The following PCDHGA2 variants were observed in gnomAD, a reference collection of about 807,000 sequenced individuals.
The protein encoded by PCDHGA2 is protocadherin gamma subfamily A, 2, also known as protocadherin gamma-A2.
In PCDHGA2, 40 loss-of-function variants were observed where a neutral mutation model predicts 59.2. That is an observed-to-expected ratio of 0.68 (90% CI 0.52 to 0.88). The LOEUF is 0.88. Among genes scored for constraint, PCDHGA2 ranks in the 40% least tolerant of loss-of-function variants. The probability of loss-of-function intolerance (pLI) is 0.00; values close to 1 mark genes in which losing one functional copy is unlikely to be tolerated. For missense variants in PCDHGA2, 1,226 were observed against 1,204.0 expected, an observed-to-expected ratio of 1.02 and a Z score of -0.27; for synonymous variants, 560 against 526.0, an observed-to-expected ratio of 1.06 and a Z score of -0.89.
intron 1 of PCDHGA2, among the ~76,000 whole-genome samples, chr5:141,402,461 C>A (rs892900332): frequency 1.3e-5 from 2 of 151,994 alleles, no homozygotes; most frequent in East Asian, 3.8e-4. Context: ...GTTTACATAT[C>A]TAGAAATAGA....
intron 1 of PCDHGA2, chr5:141,382,748 C>T (rs753044238): frequency 2.3e-5 from 14 of 606,870 alleles, no homozygotes; most frequent in Non-Finnish European, 3.6e-5. Context: ...CGACAGATTG[C>T]GATAAGCCCT....
At chr5:141,445,300 TCA>T (rs1443961962) in intron 1 of PCDHGA2, among the ~76,000 whole-genome samples, 1 of 152,202 alleles carries the variant, frequency 6.6e-6, no homozygotes, top group Non-Finnish European at 1.5e-5. Flanking sequence ...TCCATTCTCT[TCA>T]GTTTGTAGGT....
intron 1 of PCDHGA2, among the ~76,000 whole-genome samples, chr5:141,380,542 T>G (rs182715146): frequency 6.6e-6 from 1 of 152,362 alleles, no homozygotes; most frequent in East Asian, 1.9e-4. Flanking sequence ...TTTGATACAA[T>G]GAGCTTATGT....
rs559544645 is a variant in PCDHGA2, at chr5:141,405,144, G to C, written c.2424+63749G>C. ...CATCTGCTGCGGGCTACCAGTGATGGGTTGGCTGGTGTGCCCACCTCACAC... is the reference window on the plus strand; with the variant it reads ...CATCTGCTGCGGGCTACCAGTGATGCGTTGGCTGGTGTGCCCACCTCACAC... On this transcript the variant is annotated intron_variant, in intron 1 of 3. Coordinates refer to ENST00000394576, the MANE Select transcript of PCDHGA2 (RefSeq NM_018915.4). 1.1e-4 allele frequency: 184 copies of C among 1,614,070 alleles called. 1 individual carries two copies. The South Asian group carries it at 1.9e-3, about 17-fold the overall frequency.
intron 1 of PCDHGA2, chr5:141,351,719 A>C: frequency 6.2e-7 from 1 of 1,613,794 alleles, no homozygotes; most frequent in Non-Finnish European, 8.5e-7. Flanking sequence ...CTCCTACTCT[A>C]TTCTGGCCAG....
chr5:141,351,034 G>A (rs745945225), intron 1 of PCDHGA2: 1 of 1,613,878 alleles, frequency 6.2e-7, no homozygotes, highest in Non-Finnish European at 8.5e-7. Flanking sequence ...GAACCTCCGT[G>A]CTGCGGGTGA....
chr5:141,355,915 G>A (rs1239960767), intron 1 of PCDHGA2: 5 of 1,613,748 alleles, frequency 3.1e-6, no homozygotes, highest in Non-Finnish European at 4.2e-6. Context: ...CAACGATAAT[G>A]CTCCCGTGTT....
At chr5:141,366,166 C>T (rs764048783) in intron 1 of PCDHGA2, 1 of 1,614,076 alleles carries the variant, frequency 6.2e-7, no homozygotes. Flanking sequence ...TTAAGGCCAG[C>T]GAGCCAGGAC....
intron 1 of PCDHGA2, chr5:141,351,906 G>A: frequency 1.2e-6 from 2 of 1,613,416 alleles, no homozygotes; most frequent in Non-Finnish European, 1.7e-6. Flanking sequence ...GTGTTGGTGG[G>A]CGACCTCAAT....
intron 1 of PCDHGA2, chr5:141,362,564 T>C (rs754336087): frequency 6.2e-7 from 1 of 1,608,408 alleles, no homozygotes; most frequent in South Asian, 1.1e-5. Flanking sequence ...AAGGTGAGCT[T>C]TAATTAATTT....
chr5:141,489,084 C>A lies in PCDHGA2; in HGVS notation c.2425-5723C>A. On this transcript the variant is annotated intron_variant, in intron 1 of 3. Coordinates refer to ENST00000394576, the MANE Select transcript of PCDHGA2 (RefSeq NM_018915.4). The surrounding 1 kb of genome is among the most constrained non-coding windows in gnomAD (Gnocchi z 4.5). Reference sequence around the variant, plus strand: ...CTCCCCCCTGCCCACCCCCGCCACTCGGTGACTAAGAACTGCTGCAAGCAG... The same window carrying A: ...CTCCCCCCTGCCCACCCCCGCCACTAGGTGACTAAGAACTGCTGCAAGCAG... The A allele has an allele frequency of 9.1e-6, 3 of 329,124 alleles. No homozygotes were observed. The highest frequency in any genetic ancestry group is 1.1e-5 in the Non-Finnish European group (2 of 186,464). The allele number at this position is 329,124 out of a possible 1,614,324, so 20.4% of individuals were successfully genotyped here. A position where few individuals can be genotyped will look rare whatever the true frequency, so the allele number is the denominator to read the frequency against.
In PCDHGA2 at chr5:141,487,934, C is replaced by T; in HGVS notation, c.2425-6873C>T. 4.9e-6 allele frequency: 3 copies of T among 607,674 alleles called. No homozygotes were observed. The highest frequency in any genetic ancestry group is 2.1e-5 in the South Asian group (1 of 48,014). 37.6% of individuals were successfully genotyped at this position (607,674 alleles called of 1,614,324 possible). Reference sequence around the variant, plus strand: ...ACAGGAGGCTACAGTGCACAGGGTACAGTGCACCAGGCAGTCACTTGGACA... The same window carrying T: ...ACAGGAGGCTACAGTGCACAGGGTATAGTGCACCAGGCAGTCACTTGGACA... On this transcript the variant is annotated intron_variant, in intron 1 of 3. Transcript: ENST00000394576. This position sits in a 1 kb window ranked among gnomAD's most constrained non-coding sequence, Gnocchi z 5.0.
At chr5:141,427,914 A>C in intron 1 of PCDHGA2, 1 of 1,576,800 alleles carries the variant, frequency 6.3e-7, no homozygotes, top group Non-Finnish European at 8.7e-7. Flanking sequence ...CAGCGCCAAC[A>C]TGAGCCGGCG....
intron 1 of PCDHGA2, among the ~76,000 whole-genome samples, chr5:141,353,850 AAC>A (rs1759401140): frequency 6.6e-6 from 1 of 152,202 alleles, no homozygotes; most frequent in African/African-American, 2.4e-5. Flanking sequence ...GATTGTGAAA[AAC>A]ACGTTTAATC....
intron 1 of PCDHGA2, chr5:141,350,661 G>A: frequency 1.2e-6 from 2 of 1,613,992 alleles, no homozygotes; most frequent in South Asian, 1.1e-5. Flanking sequence ...GTTGCAAAAG[G>A]CATTGACTTA....
At chr5:141,403,403 C>T in intron 1 of PCDHGA2, 5 of 1,614,066 alleles carry the variant, frequency 3.1e-6, no homozygotes, top group Non-Finnish European at 4.2e-6. Context: ...TCCTGGAGCA[C>T]GTTATCCACT....
chr5:141,383,692 C>T (rs1779370134), intron 1 of PCDHGA2: 4 of 1,613,888 alleles, frequency 2.5e-6, no homozygotes, highest in Non-Finnish European at 2.5e-6. Flanking sequence ...GCTCACGGTA[C>T]ATGCTATCGA....
Position 141,344,321 on chromosome 5 carries a change from C to A in PCDHGA2, c.2424+2926C>A, listed in dbSNP as rs759020376. 20 of 1,613,906 alleles carry A rather than the reference C, an allele frequency of 1.2e-5. No homozygotes were observed. In the Admixed American group the frequency reaches 2.0e-4, roughly 16 times the overall value. On this transcript the variant is annotated intron_variant, in intron 1 of 3. Transcript: ENST00000394576. ...AGAGGATAGACCGGGAGGAGCTCTG[C>A]GCTCAGATCCCGCTGTGTCTGGTAA...
Position 141,387,745 on chromosome 5 carries a change from C to T in PCDHGA2, c.2424+46350C>T, listed in dbSNP as rs933790239. On this transcript the variant is annotated intron_variant, in intron 1 of 3. Coordinates refer to ENST00000394576, the MANE Select transcript of PCDHGA2 (RefSeq NM_018915.4). ...CCCAGCGCCAGCCTTTACACCGCTT[C>T]CTCCTCGGAAAAAGAAGAATTTTTT... 4 of 1,355,066 alleles carry T rather than the reference C, an allele frequency of 3.0e-6. No homozygotes were observed. In the Admixed American group the frequency reaches 8.1e-5, roughly 28 times the overall value. 83.9% of individuals were successfully genotyped at this position (1,355,066 alleles called of 1,614,324 possible).
Sources: allele counts gnomAD v4.1 joint callset (sites outside exome capture counted in the v4.1 genomes callset), GRCh38; gene constraint gnomAD v4.1.1; non-coding constraint Gnocchi (gnomAD v3.1); transcripts MANE v1.5; gene names NCBI Gene and HGNC (gene_info 2026-07-23, HGNC 2026-07-21).